Variants in PRDM10 observed in about 807,000 individuals in gnomAD.
The protein encoded by PRDM10 is PR domain zinc finger protein 10.
PRDM10 carries 65 observed loss-of-function variants against 133.1 expected under a neutral mutation model. The ratio of observed to expected loss-of-function variants is 0.49; its 90% CI spans 0.40 to 0.60. PRDM10 has a LOEUF of 0.60. PRDM10 is among the 20% of genes least tolerant of loss of function. The pLI is 0.00. For synonymous variants in PRDM10, 582 were observed against 580.4 expected, an observed-to-expected ratio of 1.00 and a Z score of -0.04; for missense variants, 1,137 against 1,507.1, an observed-to-expected ratio of 0.75 and a Z score of 4.07.
In PRDM10 at chr11:129,901,565, T is replaced by C. The variant is rs921170323; in HGVS notation, c.*748A>G. 1 of 152,278 alleles carries C rather than the reference T, an allele frequency of 6.6e-6. No individual in the cohort carries two copies. Among genetic ancestry groups the C allele is most frequent in the Non-Finnish European group, 1.5e-5 (1 of 68,050 alleles). The allele number at this position is 152,278 out of a possible 1,614,324, so 9.4% of individuals were successfully genotyped here. On this transcript the variant is annotated 3_prime_UTR_variant, in exon 21 of 21. Coordinates refer to ENST00000360871, the MANE Select transcript of PRDM10 (RefSeq NM_199437.2). ...CAAAGCTTTAATGTAGGGGTTTAGATTCTGCTGACATCAAGCAGCCTTTTC... is the reference window on the plus strand; with the variant it reads ...CAAAGCTTTAATGTAGGGGTTTAGACTCTGCTGACATCAAGCAGCCTTTTC...
intron 11 of PRDM10, among the ~76,000 whole-genome samples, chr11:129,927,941 C>T (rs934224790): frequency 1.7e-4 from 26 of 152,092 alleles, no homozygotes; most frequent in African/African-American, 5.8e-4. Context: ...TTCCTGAGTT[C>T]GTCAGGCAAT....
chr11:129,942,815 A>C (rs1951257900), intron 6 of PRDM10, among the ~76,000 whole-genome samples, 186 bp from the exon 7 acceptor site: 1 of 152,218 alleles, frequency 6.6e-6, no homozygotes, highest in African/African-American at 2.4e-5. Flanking sequence ...TACTTTCTGA[A>C]GCCTCAACTG....
chr11:129,952,226 A>G (rs981793055), intron 4 of PRDM10, among the ~76,000 whole-genome samples: 1 of 152,214 alleles, frequency 6.6e-6, no homozygotes, highest in African/African-American at 2.4e-5. Flanking sequence ...TGCAAATGGC[A>G]ACGAAGCCTT....
chr11:129,985,251 C>T (rs1300388496), intron 1 of PRDM10, among the ~76,000 whole-genome samples: 1 of 152,030 alleles, frequency 6.6e-6, no homozygotes, highest in Non-Finnish European at 1.5e-5. Context: ...TTTAACTGTT[C>T]CACAGCTAAG....
intron 19 of PRDM10, among the ~76,000 whole-genome samples, chr11:129,908,768 CT>C (rs988286428): frequency 6.6e-6 from 1 of 151,422 alleles, no homozygotes; most frequent in East Asian, 1.9e-4. Flanking sequence ...CATCACTCCA[CT>C]TTTTTTTTCT....
chr11:129,929,368 C>G (rs770280120), intron 11 of PRDM10: 2 of 1,552,516 alleles, frequency 1.3e-6, no homozygotes, highest in East Asian at 2.4e-5. Context: ...GTCAGGCAAA[C>G]AAGTAACATT....
intron 13 of PRDM10, among the ~76,000 whole-genome samples, chr11:129,921,510 A>G (rs1403522460): frequency 6.6e-6 from 1 of 152,176 alleles, no homozygotes; most frequent in Non-Finnish European, 1.5e-5. Context: ...TAGAAGTAAC[A>G]AGAACTTCGG....
intron 20 of PRDM10, among the ~76,000 whole-genome samples, chr11:129,905,168 A>C (rs190949317): frequency 2.6e-5 from 4 of 152,092 alleles, no homozygotes; most frequent in East Asian, 1.9e-4. Context: ...TCAAGATCAT[A>C]CTGGCCAGCA....
At chr11:129,913,484 A>C (rs1950257666) in intron 17 of PRDM10, among the ~76,000 whole-genome samples, 1 of 152,206 alleles carries the variant, frequency 6.6e-6, no homozygotes, top group Non-Finnish European at 1.5e-5. Flanking sequence ...CAAAAATTTC[A>C]GTTACATTTA....
intron 1 of PRDM10, among the ~76,000 whole-genome samples, chr11:129,993,318 G>C (rs998015433): frequency 5.3e-5 from 8 of 152,086 alleles, no homozygotes; most frequent in Non-Finnish European, 8.8e-5. Flanking sequence ...TCTATACTAA[G>C]GTCATGAGTA....
chr11:129,980,000 A>G (rs1938015503), intron 1 of PRDM10, among the ~76,000 whole-genome samples: 11 of 152,222 alleles, frequency 7.2e-5, no homozygotes, highest in Admixed American at 7.2e-4. Context: ...AGCCACAATG[A>G]GATGCACTTT....
At chr11:129,997,286 C>G (rs772491529) in intron 1 of PRDM10, among the ~76,000 whole-genome samples, 19 of 152,128 alleles carry the variant, frequency 1.2e-4, no homozygotes, top group Non-Finnish European at 2.8e-4. Flanking sequence ...TCCAGACCAG[C>G]CTGGGCAACG....
intron 1 of PRDM10, among the ~76,000 whole-genome samples, chr11:129,970,466 A>G (rs1005424199): frequency 6.6e-6 from 1 of 152,110 alleles, no homozygotes; most frequent in African/African-American, 2.4e-5. Flanking sequence ...TCTTCCCACA[A>G]ACTAAGAACA....
At chr11:129,928,843 C>A (rs10894165) in intron 11 of PRDM10, among the ~76,000 whole-genome samples, 5 of 151,932 alleles carry the variant, frequency 3.3e-5, no homozygotes, top group Admixed American at 6.6e-5. Flanking sequence ...TGCACTGTCC[C>A]AACCACAGCA....
At chr11:129,957,378 G>A (rs984493368) in intron 3 of PRDM10, among the ~76,000 whole-genome samples, 1 of 152,082 alleles carries the variant, frequency 6.6e-6, no homozygotes, top group Admixed American at 6.5e-5. Context: ...GAGTGCAGTG[G>A]CGCGATCTCG....
chr11:129,964,817 T>C (rs1222351830), intron 1 of PRDM10, among the ~76,000 whole-genome samples: 2 of 152,202 alleles, frequency 1.3e-5, no homozygotes, highest in Non-Finnish European at 2.9e-5. Flanking sequence ...TGAGGGAAGA[T>C]ACTAGCGCAG....
chr11:129,929,604 A>G (rs1214217001), intron 11 of PRDM10, among the ~76,000 whole-genome samples: 1 of 152,230 alleles, frequency 6.6e-6, no homozygotes, highest in Non-Finnish European at 1.5e-5. Flanking sequence ...TCCAAAAGCC[A>G]GATACATATG....
At chr11:129,958,318 A>G (rs1951734836) in intron 2 of PRDM10, among the ~76,000 whole-genome samples, 1 of 152,348 alleles carries the variant, frequency 6.6e-6, no homozygotes, top group Middle Eastern at 3.4e-3. Context: ...TTTTATAACT[A>G]ATAGTGTCTT....
At chr11:129,985,953 A>G (rs1938418740) in intron 1 of PRDM10, among the ~76,000 whole-genome samples, 1 of 151,614 alleles carries the variant, frequency 6.6e-6, no homozygotes, top group African/African-American at 2.4e-5. Flanking sequence ...TGGCCCTCCC[A>G]TACCAATGCT....
Sources: gnomAD v4.1 joint callset for allele counts (sites outside exome capture counted in the v4.1 genomes callset) on GRCh38, gnomAD v4.1.1 for gene constraint, MANE v1.5 for transcripts, NCBI Gene and HGNC (gene_info 2026-07-23, HGNC 2026-07-21) for gene names.